TRHDE: variants seen among roughly 807,000 people sequenced by gnomAD.
The protein encoded by TRHDE is thyrotropin-releasing hormone-degrading ectoenzyme.
A neutral mutation model predicts 125.7 loss-of-function variants in TRHDE; 72 were observed. The ratio of observed to expected loss-of-function variants is 0.57; its 90% CI spans 0.47 to 0.70. The LOEUF is 0.70. Ranked by LOEUF, TRHDE falls within the 30% of genes least tolerant of loss-of-function variation. The pLI is 0.00. For missense variants in TRHDE, 1,110 were observed against 1,327.1 expected (o/e 0.84, Z 2.54); for synonymous variants, 509 against 509.1 (o/e 1.00, Z 0.00).
At chr12:72,502,182 C>T (rs1727664155) in intron 6 of TRHDE, among the ~76,000 whole-genome samples, 1 of 151,864 alleles carries the variant, frequency 6.6e-6, no homozygotes, top group African/African-American at 2.4e-5. Flanking sequence ...ATCAATATTT[C>T]CTTTTTCTAC....
chr12:72,187,471 T>TGTGGTCGTGGTG (rs1877247079), intron 2 of TRHDE, among the ~76,000 whole-genome samples: 1 of 120,406 alleles, frequency 8.3e-6, no homozygotes, highest in Non-Finnish European at 1.8e-5. Context: ...TGGTGGTGGT[T>TGTGGTCGTGGTG]GTGGTCGTGG....
intron 2 of TRHDE, among the ~76,000 whole-genome samples, chr12:72,240,341 A>C (rs1394838277): frequency 1.4e-5 from 2 of 148,044 alleles, no homozygotes; most frequent in Non-Finnish European, 3.0e-5. Flanking sequence ...GTGTGTATAT[A>C]TATATATTTG....
At chr12:72,508,826 G>C (rs1878464266) in intron 6 of TRHDE, among the ~76,000 whole-genome samples, 1 of 152,114 alleles carries the variant, frequency 6.6e-6, no homozygotes, top group African/African-American at 2.4e-5. Context: ...CCCCCTTGCT[G>C]TTCTCATGAT....
At chr12:72,464,153 GCTTAGAT>G (rs1297214084) in intron 3 of TRHDE, among the ~76,000 whole-genome samples, 1 of 152,180 alleles carries the variant, frequency 6.6e-6, no homozygotes, top group Non-Finnish European at 1.5e-5. Context: ...ACTACAAGAT[GCTTAGAT>G]ATTTTCATCT....
intron 6 of TRHDE, among the ~76,000 whole-genome samples, chr12:72,541,958 A>G (rs1869170051): frequency 6.6e-6 from 1 of 151,420 alleles, no homozygotes; most frequent in Admixed American, 6.6e-5. Context: ...TGAGATTGTA[A>G]GTAAAAGAAT....
At chr12:72,514,444 A>C (rs549012582) in intron 6 of TRHDE, among the ~76,000 whole-genome samples, 1 of 152,254 alleles carries the variant, frequency 6.6e-6, no homozygotes, top group Non-Finnish European at 1.5e-5. Context: ...AAATAAGAAT[A>C]TAGTAAATAT....
At chr12:72,243,968 A>G (rs1878528455) in intron 2 of TRHDE, among the ~76,000 whole-genome samples, 1 of 152,194 alleles carries the variant, frequency 6.6e-6, no homozygotes, top group South Asian at 2.1e-4. Flanking sequence ...CCCACAGACC[A>G]GGTGTGTAGG....
chr12:72,485,630 C>T (rs762030878), intron 5 of TRHDE, among the ~76,000 whole-genome samples: 1 of 152,142 alleles, frequency 6.6e-6, no homozygotes, highest in African/African-American at 2.4e-5. Flanking sequence ...GGAGCCAAGT[C>T]TCAGGAATAC....
At chr12:72,234,926 T>C (rs1207428123) in intron 2 of TRHDE, among the ~76,000 whole-genome samples, 1 of 152,184 alleles carries the variant, frequency 6.6e-6, no homozygotes, top group Non-Finnish European at 1.5e-5. Context: ...TAAAAGATTT[T>C]CTATAGAGCA....
chr12:72,565,752 C>A (rs1282479522), intron 9 of TRHDE, among the ~76,000 whole-genome samples: 5 of 152,060 alleles, frequency 3.3e-5, no homozygotes, highest in Non-Finnish European at 5.9e-5. Context: ...TTTATATGCA[C>A]CCATTCTTTA....
intron 12 of TRHDE, among the ~76,000 whole-genome samples, chr12:72,617,233 T>C (rs1872854882): frequency 6.6e-6 from 1 of 152,152 alleles, no homozygotes; most frequent in Non-Finnish European, 1.5e-5. Context: ...ACTATTTATG[T>C]GAAATATGAA....
chr12:72,549,864 T>C lies in TRHDE; in HGVS notation c.1788+7508T>C, dbSNP rs201121409. Among the ~76,000 whole-genome samples, 8 of 151,826 alleles carry C rather than the reference T, an allele frequency of 5.3e-5. No homozygotes were observed. The East Asian group carries it at 1.5e-3, about 29-fold the overall frequency. On this transcript the variant is annotated intron_variant, in intron 7 of 18. Coordinates refer to ENST00000261180, the MANE Select transcript of TRHDE (RefSeq NM_013381.3). The stretch of plus-strand genomic sequence containing the variant: ...TTTATTCATCAATTTTTAAAATATA[T>C]AGCCACTGATTGAATCTTTATTATT...
chr12:72,616,983 T>A (rs1872841595), intron 12 of TRHDE, among the ~76,000 whole-genome samples: 1 of 152,104 alleles, frequency 6.6e-6, no homozygotes, highest in African/African-American at 2.4e-5. Flanking sequence ...TAATAAAAAA[T>A]TGTATTACTT....
At chr12:72,404,178 C>G (rs975518574) in intron 3 of TRHDE, among the ~76,000 whole-genome samples, 3 of 152,154 alleles carry the variant, frequency 2.0e-5, no homozygotes, top group Admixed American at 1.3e-4. Context: ...CTTTGGGAGG[C>G]TGAGGCGGGT....
At position 72,435,364 on chromosome 12, in the gene TRHDE, A is replaced by T. The variant is rs1451784410; in HGVS notation, c.1316-34394A>T. Among the ~76,000 whole-genome samples the T allele has an allele frequency of 2.0e-5, 3 of 152,234 alleles. No homozygotes were observed. The East Asian group carries it at 5.8e-4, about 30-fold the overall frequency. On this transcript the variant is annotated intron_variant, in intron 3 of 18. Transcript: ENST00000261180. ...GTAGGGACTGATGTCTTTTGATGTC[A>T]GTTCATTGGCATTGGTGTTCTTTCA...
chr12:72,344,859 C>G (rs1462681270), intron 2 of TRHDE, among the ~76,000 whole-genome samples: 1 of 151,936 alleles, frequency 6.6e-6, no homozygotes, highest in African/African-American at 2.4e-5. Flanking sequence ...CACATCTGTC[C>G]CCTAGGGGCA....
chr12:72,284,943 T>TACTA (rs1879826505), intron 1 of TRHDE, among the ~76,000 whole-genome samples: 1 of 152,144 alleles, frequency 6.6e-6, no homozygotes, highest in Non-Finnish European at 1.5e-5. Context: ...AAAAACAGGG[T>TACTA]CAGATAGTTA....
chr12:72,254,635 C>T (rs1878764840), intron 2 of TRHDE: 1 of 152,130 alleles, frequency 6.6e-6, no homozygotes, highest in South Asian at 2.1e-4. Context: ...AAAATAGAAA[C>T]AATGGAAAAG....
At chr12:72,599,955 G>A (rs1380482624) in intron 12 of TRHDE, among the ~76,000 whole-genome samples, 1 of 151,932 alleles carries the variant, frequency 6.6e-6, no homozygotes, top group East Asian at 1.9e-4. Context: ...CATTCTTCTA[G>A]CATATAGCTA....
Sources: gnomAD v4.1 joint callset for allele counts (sites outside exome capture counted in the v4.1 genomes callset) on GRCh38, gnomAD v4.1.1 for gene constraint, MANE v1.5 for transcripts, NCBI Gene and HGNC (gene_info 2026-07-23, HGNC 2026-07-21) for gene names.